Variants in HCFC2 observed in about 807,000 individuals in gnomAD.
The protein encoded by HCFC2 is host cell factor C2, also known as host cell factor 2.
Under a neutral mutation model 89.2 loss-of-function variants are expected in HCFC2, and 18 were observed. That is an observed-to-expected ratio of 0.20 (90% CI 0.14 to 0.30). HCFC2 has a LOEUF of 0.30. Ranked by LOEUF, HCFC2 falls within the 10% of genes least tolerant of loss-of-function variation. HCFC2 has a pLI of 1.00. For missense variants in HCFC2, 578 were observed against 956.1 expected, an observed-to-expected ratio of 0.60 and a Z score of 5.21; for synonymous variants, 308 against 335.7, an observed-to-expected ratio of 0.92 and a Z score of 0.90.
At chr12:104,080,273 C>T (rs1395943556) in intron 4 of HCFC2, among the ~76,000 whole-genome samples, 3 of 152,172 alleles carry the variant, frequency 2.0e-5, no homozygotes, top group Non-Finnish European at 2.9e-5. Flanking sequence ...TTTAGGACCT[C>T]CCCTAATACC....
At chr12:104,073,167 C>CT (rs751054824) in intron 3 of HCFC2, among the ~76,000 whole-genome samples, 17,276 of 131,508 alleles carry the variant, frequency 0.13, 1,487 homozygotes, top group South Asian at 0.19. Context: ...TTCTGTTTGC[C>CT]TTTTTTTTTT....
Position 104,102,020 on chromosome 12 carries a change from T to G in HCFC2, c.1931T>G (p.Val644Gly). ...DYSLLKKQDL[V>G]PGTGYRFRVA... The stretch of plus-strand genomic sequence containing the variant: ...AGCTTGCTTAAGAAACAAGATCTTG[T>G]TCCAGGCACAGGATACAGATTCAGG... The change falls in exon 14 of 15, where the codon GTT (valine) becomes GGT (glycine). Residue 644 changes from valine (V) to glycine (G), a missense_variant. Physicochemically the swap from Val to Gly is moderately radical, Grantham distance 109. This residue lies in a region of HCFC2 where 140 missense variants were observed against 266.4 expected (regional missense o/e 0.53). Transcript: ENST00000229330. The G allele has an allele frequency of 1.2e-6, 2 of 1,613,066 alleles. No homozygotes were observed. The highest frequency in any genetic ancestry group is 1.7e-6 in the Non-Finnish European group (2 of 1,179,322).
chr12:104,093,528 A>C lies in HCFC2; in HGVS notation c.1427A>C (p.Asn476Thr). 6.2e-7 allele frequency: 1 copy of C among 1,612,976 alleles called. No individual in the cohort carries two copies. The highest frequency in any genetic ancestry group is 8.5e-7 in the Non-Finnish European group (1 of 1,179,336). Residue 476 changes from asparagine (N) to threonine (T), a missense_variant, in exon 10 of 15, where the codon AAT becomes ACT. Physicochemically the swap from Asn to Thr is moderately conservative, Grantham distance 65. This residue lies in a region of HCFC2 where 210 missense variants were observed against 251.7 expected (regional missense o/e 0.83). Coordinates refer to ENST00000229330, the MANE Select transcript of HCFC2 (RefSeq NM_013320.3). ...TTGGCATCAAATGCTTCTAATCATA[A>C]TAGTCATGTGGTGGATATGCTAAGG... Reference protein sequence around the residue: ...PSLASNASNHNSHVVDMLRKN... With the variant: ...PSLASNASNHTSHVVDMLRKN...
intron 4 of HCFC2, among the ~76,000 whole-genome samples, chr12:104,079,857 G>T (rs1883626417): frequency 6.6e-6 from 1 of 152,198 alleles, no homozygotes; most frequent in African/African-American, 2.4e-5. Flanking sequence ...TAACTCTCTT[G>T]TGCATTCTAT....
At chr12:104,075,532 T>C (rs1041010632) in intron 3 of HCFC2, among the ~76,000 whole-genome samples, 8 of 151,504 alleles carry the variant, frequency 5.3e-5, no homozygotes, top group South Asian at 2.1e-4. Context: ...AATCATAGCT[T>C]ACTGCAGCCT....
At position 104,093,526 on chromosome 12, in the gene HCFC2, T is replaced by A; in HGVS notation, c.1425T>A (p.His475Gln). 6.2e-7 allele frequency: 1 copy of A among 1,613,034 alleles called. No homozygotes were observed. The highest frequency in any genetic ancestry group is 8.5e-7 in the Non-Finnish European group (1 of 1,179,372). Residue 475 changes from histidine to glutamine, a missense_variant, in exon 10 of 15, where the codon CAT becomes CAA. Physicochemically the swap from His to Gln is conservative, Grantham distance 24. Coordinates refer to ENST00000229330, the MANE Select transcript of HCFC2 (RefSeq NM_013320.3). ...CTTTGGCATCAAATGCTTCTAATCA[T>A]AATAGTCATGTGGTGGATATGCTAA... ...YPSLASNASN[H>Q]NSHVVDMLRK...
chr12:104,085,896 A>G (rs1356958716), intron 7 of HCFC2, among the ~76,000 whole-genome samples: 1 of 150,782 alleles, frequency 6.6e-6, no homozygotes, highest in Non-Finnish European at 1.5e-5. Flanking sequence ...TCTATATCAC[A>G]TGCATATATT....
rs767979234 is a variant in HCFC2 at position 104,106,069 on chromosome 12, A to G, written c.*2796A>G. 1 of 152,118 alleles carries G rather than the reference A, an allele frequency of 6.6e-6. No individual in the cohort carries two copies. The highest frequency in any genetic ancestry group is 2.4e-5 in the African/African-American group (1 of 41,462). 9.4% of individuals were successfully genotyped at this position (152,118 alleles called of 1,614,324 possible). On this transcript the variant is annotated 3_prime_UTR_variant, in exon 15 of 15. Transcript: ENST00000229330. Reference sequence around the variant, plus strand: ...AACTTCTTTGGCAACTTAATTAGACATAGGGTATATATAAACTCAATTTTA... The same window carrying G: ...AACTTCTTTGGCAACTTAATTAGACGTAGGGTATATATAAACTCAATTTTA...
intron 8 of HCFC2, among the ~76,000 whole-genome samples, chr12:104,087,369 A>T (rs1251917611): frequency 2.3e-5 from 3 of 128,102 alleles, no homozygotes; most frequent in Non-Finnish European, 5.1e-5. Context: ...AAAAAAAAAA[A>T]TTCACACACA....
intron 4 of HCFC2, among the ~76,000 whole-genome samples, chr12:104,080,116 C>A (rs761315598): frequency 2.6e-5 from 4 of 152,134 alleles, no homozygotes; most frequent in Non-Finnish European, 5.9e-5. Context: ...GGTAGTGTGC[C>A]TCTCACCTTT....
chr12:104,086,479 TC>T (rs1043223380), intron 7 of HCFC2, among the ~76,000 whole-genome samples: 35 of 151,368 alleles, frequency 2.3e-4, no homozygotes, highest in Non-Finnish European at 4.6e-4. Flanking sequence ...CTCCCCAGCC[TC>T]CCCCCAAAAA....
intron 4 of HCFC2, 169 bp from the exon 5 acceptor site, chr12:104,080,577 G>C: frequency 2.3e-6 from 1 of 440,782 alleles, no homozygotes; most frequent in Non-Finnish European, 4.0e-6. Flanking sequence ...ATAAATTTCT[G>C]ATTGGCAGTT....
Position 104,102,960 on chromosome 12 carries a change from A to G in HCFC2, c.2066A>G (p.Asn689Ser). 1.9e-6 allele frequency: 3 copies of G among 1,586,518 alleles called. No individual in the cohort carries two copies. Among genetic ancestry groups the G allele is most frequent in the Non-Finnish European group, 2.6e-6 (3 of 1,160,138 alleles). ...CTGTTTTTTCCCCCCCCCTTCAAGAATGTTGAAGGTATCCACCTTTCCTGG... is the reference window on the plus strand; with the variant it reads ...CTGTTTTTTCCCCCCCCCTTCAAGAGTGTTGAAGGTATCCACCTTTCCTGG... ...GAPSAVRISK[N>S]VEGIHLSWEP... Residue 689 changes from asparagine to serine, a missense_variant and splice_region_variant, in exon 15 of 15, where the codon AAT becomes AGT. This residue lies in a region of HCFC2 where 140 missense variants were observed against 266.4 expected (regional missense o/e 0.53). Coordinates refer to ENST00000229330, the MANE Select transcript of HCFC2 (RefSeq NM_013320.3).
At chr12:104,075,286 C>T (rs1485746835) in intron 3 of HCFC2, among the ~76,000 whole-genome samples, 1 of 151,804 alleles carries the variant, frequency 6.6e-6, no homozygotes, top group Non-Finnish European at 1.5e-5. Flanking sequence ...TTTTATATCT[C>T]ATTTCTTATT....
Position 104,095,502 on chromosome 12 carries a change from T to G in HCFC2, c.1605T>G (p.Ser535Arg), listed in dbSNP as rs1199708496. Residue 535 changes from serine to arginine, a missense_variant, in exon 11 of 15, where the codon AGT becomes AGG. Ser to Arg is a moderately radical substitution (Grantham distance 110). This residue lies in a region of HCFC2 where 210 missense variants were observed against 251.7 expected (regional missense o/e 0.83). Coordinates refer to ENST00000229330, the MANE Select transcript of HCFC2 (RefSeq NM_013320.3). The surrounding 1 kb of genome is among the most constrained non-coding windows in gnomAD (Gnocchi z 4.2). ...AGACCATTAAAACTGAATCATCCAG[T>G]ACAAATGGGGCAGTTGTTAAAGATG... is the stretch of plus-strand genomic sequence containing the variant. ...TQQTIKTESS[S>R]TNGAVVKDET... 1 of 1,613,758 alleles carries G rather than the reference T, an allele frequency of 6.2e-7. No individual in the cohort carries two copies. Among genetic ancestry groups the G allele is most frequent in the Non-Finnish European group, 8.5e-7 (1 of 1,179,774 alleles).
At chr12:104,102,820 A>G (rs1219762987) in intron 14 of HCFC2, 139 bp from the exon 15 acceptor site, 12 of 734,610 alleles carry the variant, frequency 1.6e-5, no homozygotes, top group Non-Finnish European at 1.5e-5. Flanking sequence ...TTTAAAAATC[A>G]ACAATAAAAG....
At chr12:104,084,065 T>A (rs569737021) in intron 7 of HCFC2, among the ~76,000 whole-genome samples, 17 of 152,256 alleles carry the variant, frequency 1.1e-4, no homozygotes, top group Middle Eastern at 3.4e-3. Context: ...CCAAAATTTT[T>A]AAAAATGTGT....
At position 104,103,165 on chromosome 12, in the gene HCFC2, C is replaced by T; in HGVS notation, c.2271C>T (p.Ser757=). The change falls in exon 15 of 15, where the codon TCC becomes TCT. Residue 757 remains serine, a synonymous_variant. Coordinates refer to ENST00000229330, the MANE Select transcript of HCFC2 (RefSeq NM_013320.3). ...QLANAHIDYT[S]RPAIVFRISA... ...CAAATGCACATATTGATTATACATC[C>T]AGGCCTGCCATTGTGTTCAGGATAT... 6.2e-7 allele frequency: 1 copy of T among 1,614,052 alleles called. No homozygotes were observed. The highest frequency in any genetic ancestry group is 8.5e-7 in the Non-Finnish European group (1 of 1,179,950).
rs1884133814 is a variant in HCFC2 at position 104,095,015 on chromosome 12, A to G, written c.1463-345A>G. 1.3e-5 allele frequency among the ~76,000 whole-genome samples: 2 copies of G among 152,204 alleles called. No homozygotes were observed. Among genetic ancestry groups the G allele is most frequent in the Admixed American group, 1.3e-4 (2 of 15,276 alleles). On this transcript the variant is annotated intron_variant, in intron 10 of 14. Transcript: ENST00000229330. The surrounding 1 kb of genome is among the most constrained non-coding windows in gnomAD (Gnocchi z 4.2). ...TAGTACAATTCTAGTTTGCAGCCAG[A>G]GAAGGCAGAAAATTGAGATAATTCA...
Sources: allele counts gnomAD v4.1 joint callset (sites outside exome capture counted in the v4.1 genomes callset), GRCh38; gene constraint gnomAD v4.1.1; regional missense constraint gnomAD v4.1.1; non-coding constraint Gnocchi (gnomAD v3.1); transcripts MANE v1.5; gene names NCBI Gene and HGNC (gene_info 2026-07-23, HGNC 2026-07-21).